NEBL: variants seen among roughly 807,000 people sequenced by gnomAD.
NEBL encodes LIM and SH3 protein 2.
Under a neutral mutation model 140.2 loss-of-function variants are expected in NEBL, and 122 were observed. That is an observed-to-expected ratio of 0.87 (90% confidence interval 0.75 to 1.01). The LOEUF is 1.01. Ranked by LOEUF, NEBL falls within the 50% of genes least tolerant of loss-of-function variation. The pLI, the probability that NEBL is intolerant of heterozygous loss-of-function variation, is 0.00. For missense variants in NEBL, 1,365 were observed against 1,231.3 expected (o/e 1.11, Z -1.62); for synonymous variants, 436 against 398.9 (o/e 1.09, Z -1.11).
chr10:20,991,918 G>A (rs1274799199), intron 3 of NEBL, among the ~76,000 whole-genome samples: 4 of 152,136 alleles, frequency 2.6e-5, no homozygotes, highest in African/African-American at 7.2e-5. Flanking sequence ...ACCTCCAGCT[G>A]CATCCATGTT....
At chr10:20,921,783 GCA>G (rs558642487) in intron 4 of NEBL, among the ~76,000 whole-genome samples, 892 of 84,182 alleles carry the variant, frequency 0.011, 8 homozygotes, top group African/African-American at 0.033. Flanking sequence ...ACATGTACAT[GCA>G]CACACACACA....
At chr10:21,242,904 G>A (rs186030156) in intron 3 of NEBL, among the ~76,000 whole-genome samples, 26 of 152,210 alleles carry the variant, frequency 1.7e-4, no homozygotes, top group African/African-American at 6.0e-4. Context: ...GAGAAGAACA[G>A]AAAGAAAAAA....
chr10:20,889,960 G>A lies in NEBL; in HGVS notation c.154-11C>T, dbSNP rs41277376. On this transcript the variant is annotated splice_polypyrimidine_tract_variant and intron_variant, in intron 2 of 27. Coordinates refer to ENST00000377122, the MANE Select transcript of NEBL (RefSeq NM_006393.3). ...TTCTTTATAACGGATCTAAAAAAGA[G>A]AATGATTTACATAAGAAGAGAAAAA... 2.0e-6 allele frequency: 3 copies of A among 1,516,620 alleles called. No homozygotes were observed. The African/African-American group carries it at 4.1e-5, about 21-fold the overall frequency. 93.9% of individuals were successfully genotyped at this position (1,516,620 alleles called of 1,614,324 possible).
intron 2 of NEBL, among the ~76,000 whole-genome samples, chr10:21,101,500 AG>A (rs1340963792): frequency 6.6e-6 from 1 of 152,234 alleles, no homozygotes; most frequent in African/African-American, 2.4e-5. Context: ...ATCTGGACAA[AG>A]GCAAGACCTA....
chr10:21,267,123 C>T (rs554990612), intron 1 of NEBL, among the ~76,000 whole-genome samples: 40 of 152,122 alleles, frequency 2.6e-4, no homozygotes, highest in Non-Finnish European at 5.1e-4. Context: ...TACAGGTGCT[C>T]GCCACCATGC....
At chr10:20,871,940 C>T (rs1056825008) in intron 5 of NEBL, among the ~76,000 whole-genome samples, 1 of 152,114 alleles carries the variant, frequency 6.6e-6, no homozygotes, top group East Asian at 1.9e-4. Context: ...TAAACAAAAA[C>T]TGGCTCTCAG....
In NEBL at chr10:21,056,313, G is replaced by A. The variant is rs1256806448; in HGVS notation, c.165-36112C>T. ...TAATATAGAGTACTTCAAAGAGAAT[G>A]GGGAAACTTATTCAATTCTTTAATT... is the stretch of plus-strand genomic sequence containing the variant. On this transcript the variant is annotated intron_variant, in intron 2 of 6. Coordinates refer to the NEBL transcript ENST00000417816. Among the ~76,000 whole-genome samples, 4 of 152,152 alleles carry A rather than the reference G, an allele frequency of 2.6e-5. No homozygotes were observed. The South Asian group carries it at 6.2e-4, about 24-fold the overall frequency.
At chr10:20,840,381 G>A (rs75380627) in intron 13 of NEBL, among the ~76,000 whole-genome samples, 1 of 152,062 alleles carries the variant, frequency 6.6e-6, no homozygotes, top group Admixed American at 6.6e-5. Flanking sequence ...AGAGTCAGTT[G>A]GGTTATGAGT....
chr10:20,877,247 A>T (rs1346743978), intron 5 of NEBL, among the ~76,000 whole-genome samples: 2 of 152,204 alleles, frequency 1.3e-5, no homozygotes, highest in South Asian at 4.1e-4. Flanking sequence ...CTTCAGAGGT[A>T]GATATCGTTG....
At position 21,173,449 on chromosome 10, in the gene NEBL, GC is replaced by G. The variant is rs535840918; in HGVS notation, c.69+315del. On this transcript the variant is annotated intron_variant, in intron 1 of 6. Coordinates refer to the NEBL transcript ENST00000417816. This position sits in a 1 kb window ranked among gnomAD's most constrained non-coding sequence, Gnocchi z 5.7. ...TGGAGGGGGCGCGGCTCGCCGAAGT[GC>G]CCCCCTGGGTGCCCAGCCTGGTCCC... Among the ~76,000 whole-genome samples, 320 of 152,062 alleles carry G rather than the reference GC, an allele frequency of 2.1e-3. 4 individuals carry two copies. The highest frequency in any genetic ancestry group is 0.019 in the Admixed American group (295 of 15,308).
intron 2 of NEBL, among the ~76,000 whole-genome samples, chr10:21,027,326 GT>G (rs35413279): frequency 0.45 from 63,738 of 143,018 alleles, 15,581 homozygotes; most frequent in South Asian, 0.57. Flanking sequence ...AACTTTTTTT[GT>G]TTTTTTTTTT....
intron 3 of NEBL, among the ~76,000 whole-genome samples, chr10:21,237,914 C>T (rs118183221): frequency 0.012 from 1,855 of 152,272 alleles, 13 homozygotes; most frequent in Middle Eastern, 0.02. Context: ...GCCATATCTC[C>T]CTGATGTTCT....
intron 18 of NEBL, 73 bp from the exon 19 acceptor site, chr10:20,823,373 T>A: frequency 9.2e-7 from 1 of 1,081,862 alleles, no homozygotes; most frequent in Non-Finnish European, 1.4e-6. Flanking sequence ...ATTCTTCAAT[T>A]GTAACTATTG....
chr10:21,288,395 G>A (rs1027654785), intron 1 of NEBL, among the ~76,000 whole-genome samples: 5 of 151,962 alleles, frequency 3.3e-5, no homozygotes, highest in Non-Finnish European at 7.4e-5. Flanking sequence ...TTGAACCCAG[G>A]AGTCAGAGTT....
At chr10:21,275,464 G>A (rs1842909156) in intron 1 of NEBL, among the ~76,000 whole-genome samples, 1 of 152,142 alleles carries the variant, frequency 6.6e-6, no homozygotes, top group Admixed American at 6.5e-5. Context: ...GAGCCCGAGT[G>A]GTGCAGAGTG....
intron 19 of NEBL, among the ~76,000 whole-genome samples, chr10:20,820,797 C>G (rs1034322925): frequency 1.3e-5 from 2 of 151,814 alleles, no homozygotes; most frequent in Admixed American, 1.3e-4. Flanking sequence ...TGCACTCCAG[C>G]CTGGGTGACA....
intron 3 of NEBL, among the ~76,000 whole-genome samples, chr10:21,216,502 G>A (rs1841994599): frequency 6.6e-6 from 1 of 152,122 alleles, no homozygotes; most frequent in African/African-American, 2.4e-5. Flanking sequence ...GCCAGGCGCA[G>A]TGGTTCAAGC....
At chr10:21,044,513 G>A (rs895716193) in intron 2 of NEBL, among the ~76,000 whole-genome samples, 6 of 146,166 alleles carry the variant, frequency 4.1e-5, no homozygotes, top group African/African-American at 1.5e-4. Context: ...CATATCCTGA[G>A]AAATGCTGAT....
chr10:21,283,358 A>C (rs1427341702), intron 1 of NEBL, among the ~76,000 whole-genome samples: 1 of 152,186 alleles, frequency 6.6e-6, no homozygotes, highest in Non-Finnish European at 1.5e-5. Flanking sequence ...ATCAAGAAAT[A>C]ACCATAAAAA....
Sources: allele counts gnomAD v4.1 joint callset (sites outside exome capture counted in the v4.1 genomes callset), GRCh38; gene constraint gnomAD v4.1.1; non-coding constraint Gnocchi (gnomAD v3.1); transcripts MANE v1.5; gene names NCBI Gene and HGNC (gene_info 2026-07-23, HGNC 2026-07-21).